TSG101: variants seen among roughly 807,000 people sequenced by gnomAD.
The protein encoded by TSG101 is tumor susceptibility 101.
In TSG101, 19 loss-of-function variants were observed where a neutral mutation model predicts 48.5. The ratio of observed to expected loss-of-function variants is 0.39; its 90% CI spans 0.27 to 0.58. TSG101 has a LOEUF of 0.58. TSG101 is among the 20% of genes least tolerant of loss of function. TSG101 has a pLI of 0.55. For synonymous variants in TSG101, 174 were observed against 169.4 expected, an observed-to-expected ratio of 1.03 and a Z score of -0.21; for missense variants, 365 against 484.4, an observed-to-expected ratio of 0.75 and a Z score of 2.31.
At chr11:18,520,166 T>G (rs1850245923) in intron 1 of TSG101, among the ~76,000 whole-genome samples, 1 of 151,808 alleles carries the variant, frequency 6.6e-6, no homozygotes, top group South Asian at 2.1e-4. Flanking sequence ...CATGACTAAA[T>G]TATTTCACTT....
chr11:18,492,510 TTC>T (rs1273449228), intron 7 of TSG101, among the ~76,000 whole-genome samples: 20 of 152,352 alleles, frequency 1.3e-4, no homozygotes, highest in African/African-American at 4.6e-4. Context: ...GGAATTTACA[TTC>T]TGTTTCTCTT....
intron 8 of TSG101, among the ~76,000 whole-genome samples, chr11:18,482,735 G>A (rs1347826359): frequency 6.6e-6 from 1 of 152,184 alleles, no homozygotes; most frequent in Non-Finnish European, 1.5e-5. Context: ...CTGGATTATT[G>A]AGAAAGTTCC....
intron 7 of TSG101, among the ~76,000 whole-genome samples, chr11:18,502,137 T>C (rs1241882504): frequency 6.6e-6 from 1 of 152,252 alleles, no homozygotes; most frequent in African/African-American, 2.4e-5. Context: ...GACCTGCTCA[T>C]ATTAACCCAT....
At chr11:18,521,669 CCTTTT>C (rs1850279623) in intron 1 of TSG101, among the ~76,000 whole-genome samples, 2 of 111,440 alleles carry the variant, frequency 1.8e-5, no homozygotes, top group Admixed American at 1.1e-4. Context: ...CTGGCCCCTT[CCTTTT>C]TTTTTTTTTT....
chr11:18,509,977 T>C (rs747986378), intron 4 of TSG101, among the ~76,000 whole-genome samples: 1 of 152,282 alleles, frequency 6.6e-6, no homozygotes, highest in African/African-American at 2.4e-5. Flanking sequence ...CACTGTACAA[T>C]GTATTATAAG....
At chr11:18,526,695 GGCT>G in intron 1 of TSG101, 77 bp downstream of exon 1, 1 of 1,526,126 alleles carries the variant, frequency 6.6e-7, no homozygotes, top group East Asian at 2.4e-5. Flanking sequence ...AAGCTTGCTT[GGCT>G]GGGCCGGGAC....
At chr11:18,494,423 G>C (rs536005857) in intron 7 of TSG101, among the ~76,000 whole-genome samples, 21 of 152,294 alleles carry the variant, frequency 1.4e-4, no homozygotes, top group African/African-American at 4.6e-4. Context: ...GAAGCCAAAT[G>C]AATCAGCTTC....
chr11:18,506,652 T>C (rs919852158), intron 6 of TSG101, among the ~76,000 whole-genome samples: 1 of 151,874 alleles, frequency 6.6e-6, no homozygotes, highest in Non-Finnish European at 1.5e-5. Flanking sequence ...ATTGCGCCAC[T>C]GTACTCCAGC....
intron 6 of TSG101, among the ~76,000 whole-genome samples, chr11:18,503,930 G>T (rs1590280171): frequency 6.6e-6 from 1 of 152,152 alleles, no homozygotes; most frequent in Non-Finnish European, 1.5e-5. Flanking sequence ...CAGGCTGGGT[G>T]CAGTGGATCA....
chr11:18,484,156 A>C, intron 7 of TSG101, 84 bp from the exon 8 acceptor site: 2 of 1,347,180 alleles, frequency 1.5e-6, no homozygotes, highest in Non-Finnish European at 2.1e-6. Flanking sequence ...AAAAGGGGGC[A>C]ATATGAACCG....
chr11:18,501,294 G>A (rs976731048), intron 7 of TSG101, among the ~76,000 whole-genome samples: 1 of 152,114 alleles, frequency 6.6e-6, no homozygotes, highest in Non-Finnish European at 1.5e-5. Flanking sequence ...ATTTTTGTAT[G>A]TGGTACAAGA....
intron 1 of TSG101, 134 bp from the exon 2 acceptor site, chr11:18,519,737 A>C (rs1850238096): frequency 8.2e-6 from 5 of 610,284 alleles, no homozygotes. Context: ...AAAACCCATA[A>C]TACTATTATC....
intron 7 of TSG101, among the ~76,000 whole-genome samples, chr11:18,494,848 C>A (rs2133911119): frequency 6.6e-6 from 1 of 152,282 alleles, no homozygotes; most frequent in East Asian, 1.9e-4. Flanking sequence ...GAGGGAAGAA[C>A]AGCATTGGAT....
At chr11:18,484,653 CTG>C (rs1849592189) in intron 7 of TSG101, among the ~76,000 whole-genome samples, 1 of 152,226 alleles carries the variant, frequency 6.6e-6, no homozygotes, top group Non-Finnish European at 1.5e-5. Context: ...AGCTGATAAA[CTG>C]TTTATTCCCA....
At position 18,480,522 on chromosome 11, in the gene TSG101, A is replaced by G. The variant is rs1372742256; in HGVS notation, c.*24T>C. On this transcript the variant is annotated 3_prime_UTR_variant, in exon 10 of 10. Transcript: ENST00000251968. ...GAGAAGAATACTTTAAGAAGAGCTC[A>G]ACCTCCAGCTGGTATCAGAGAAGTC... The G allele has an allele frequency of 6.3e-7, 1 of 1,598,102 alleles. No individual in the cohort carries two copies. The highest frequency in any genetic ancestry group is 1.1e-5 in the South Asian group (1 of 90,034).
chr11:18,491,597 T>C (rs1849702435), intron 7 of TSG101, among the ~76,000 whole-genome samples: 2 of 152,214 alleles, frequency 1.3e-5, no homozygotes, highest in African/African-American at 4.8e-5. Flanking sequence ...ATCTGTATCT[T>C]TTGCCATAAG....
intron 7 of TSG101, among the ~76,000 whole-genome samples, chr11:18,501,833 C>T (rs1849895105): frequency 6.6e-6 from 1 of 152,054 alleles, no homozygotes; most frequent in Non-Finnish European, 1.5e-5. Context: ...CAGTAGAGAA[C>T]AAAACTTGAG....
At chr11:18,480,700 A>C (rs1849518795) in intron 9 of TSG101, 65 bp from the exon 10 acceptor site, 1 of 1,445,510 alleles carries the variant, frequency 6.9e-7, no homozygotes, top group Non-Finnish European at 9.6e-7. Context: ...CATAAAATAG[A>C]CAATTTGTAA....
At chr11:18,482,775 C>T (rs1185007071) in intron 8 of TSG101, among the ~76,000 whole-genome samples, 1 of 152,212 alleles carries the variant, frequency 6.6e-6, no homozygotes, top group Non-Finnish European at 1.5e-5. Context: ...ATGGCTCACA[C>T]AACCTTTGGA....
Sources: gnomAD v4.1 joint callset for allele counts (sites outside exome capture counted in the v4.1 genomes callset) on GRCh38, gnomAD v4.1.1 for gene constraint, MANE v1.5 for transcripts, NCBI Gene and HGNC (gene_info 2026-07-23, HGNC 2026-07-21) for gene names.